SOD2: variants seen among roughly 807,000 people sequenced by gnomAD.
SOD2 encodes the protein superoxide dismutase [Mn], mitochondrial.
Under a neutral mutation model 27.0 loss-of-function variants are expected in SOD2, and 11 were observed. That is an observed-to-expected ratio of 0.41 (90% CI 0.26 to 0.67). The LOEUF (loss-of-function observed/expected upper bound fraction) is 0.67. SOD2 is among the 30% of genes least tolerant of loss of function. SOD2 has a pLI of 0.34. For synonymous variants in SOD2, 105 were observed against 103.0 expected (o/e 1.02, Z -0.12); for missense variants, 250 against 274.5 (o/e 0.91, Z 0.63).
At chr6:159,714,235 G>A (rs1390050753) in intron 1 of SOD2, among the ~76,000 whole-genome samples, 2 of 152,194 alleles carry the variant, frequency 1.3e-5, no homozygotes, top group South Asian at 2.1e-4. Flanking sequence ...CTCCCTAGAC[G>A]TCGGGTTGTG....
intron 3 of SOD2, among the ~76,000 whole-genome samples, chr6:159,685,236 T>C (rs1301746045): frequency 4.2e-4 from 61 of 144,688 alleles, no homozygotes; most frequent in African/African-American, 1.5e-3. Context: ...TTTTTTTTTT[T>C]TTTTTTTTCA....
intron 1 of SOD2, chr6:159,743,595 A>G: frequency 2.8e-6 from 4 of 1,421,900 alleles, no homozygotes; most frequent in East Asian, 2.4e-5. Flanking sequence ...CCTAGTTCTT[A>G]TTGTTCTTGA....
intron 1 of SOD2, chr6:159,755,264 T>G: frequency 6.2e-7 from 1 of 1,614,038 alleles, no homozygotes; most frequent in Non-Finnish European, 8.5e-7. Flanking sequence ...TAATGGTAGC[T>G]CCTCCCGCCA....
At chr6:159,734,326 G>C (rs536699915) in intron 1 of SOD2, among the ~76,000 whole-genome samples, 1 of 148,604 alleles carries the variant, frequency 6.7e-6, no homozygotes, top group Non-Finnish European at 1.5e-5. Flanking sequence ...AGTAGCTTTC[G>C]AGATGATGCC....
intron 1 of SOD2, chr6:159,755,398 T>G: frequency 6.2e-7 from 1 of 1,614,140 alleles, no homozygotes. Flanking sequence ...GAGGAGGTAG[T>G]GGTTACGTAA....
rs1313733396 is a variant in SOD2 at position 159,674,450 on chromosome 6, A to G, written c.*8043T>C. The G allele has an allele frequency of 6.6e-6, 1 of 152,220 alleles. No homozygotes were observed. The highest frequency in any genetic ancestry group is 6.5e-5 in the Admixed American group (1 of 15,288). The allele number at this position is 152,220 out of a possible 1,614,324, so 9.4% of individuals were successfully genotyped here. The stretch of plus-strand genomic sequence containing the variant: ...TGCAAGGCTGGTTCAACATACACAA[A>G]TCAATAAAAGTAATCCAGCATATAA... On this transcript the variant is annotated 3_prime_UTR_variant, in exon 5 of 5. Coordinates refer to ENST00000538183, the MANE Select transcript of SOD2 (RefSeq NM_000636.4).
At chr6:159,750,797 T>C (rs1307281082) in intron 1 of SOD2, among the ~76,000 whole-genome samples, 1 of 152,224 alleles carries the variant, frequency 6.6e-6, no homozygotes, top group East Asian at 1.9e-4. Context: ...GTATATCAGG[T>C]ACTATAAATA....
intron 1 of SOD2, chr6:159,755,667 C>A (rs1779975856): frequency 1.1e-5 from 15 of 1,424,718 alleles, no homozygotes; most frequent in African/African-American, 1.4e-5. Flanking sequence ...GGATACTGTC[C>A]AGAAAATTAA....
At chr6:159,751,103 T>C (rs889134201) in intron 1 of SOD2, among the ~76,000 whole-genome samples, 3 of 152,240 alleles carry the variant, frequency 2.0e-5, no homozygotes, top group African/African-American at 7.2e-5. Flanking sequence ...GTTGATTTTT[T>C]TGTTTGTAAT....
chr6:159,752,367 T>A (rs183098147), intron 1 of SOD2, among the ~76,000 whole-genome samples: 29 of 152,342 alleles, frequency 1.9e-4, no homozygotes, highest in African/African-American at 6.5e-4. Flanking sequence ...TTTTCTTTTT[T>A]CATAAATAAT....
chr6:159,683,195 A>T (rs1032529618), intron 4 of SOD2, among the ~76,000 whole-genome samples: 1 of 152,204 alleles, frequency 6.6e-6, no homozygotes, highest in African/African-American at 2.4e-5. Context: ...ATTTAAAAAA[A>T]CTTTTGGTCT....
At chr6:159,756,816 C>T (rs1041226439) in intron 1 of SOD2, among the ~76,000 whole-genome samples, 3 of 152,120 alleles carry the variant, frequency 2.0e-5, no homozygotes, top group African/African-American at 7.2e-5. Flanking sequence ...GTTGCACAGG[C>T]TGGCCTCAAA....
intron 1 of SOD2, among the ~76,000 whole-genome samples, chr6:159,759,379 A>G (rs1279852602): frequency 6.8e-6 from 1 of 146,456 alleles, no homozygotes; most frequent in Non-Finnish European, 1.5e-5. Flanking sequence ...TTTAAAAATT[A>G]TCTTCCAGCT....
chr6:159,743,473 A>G (rs1779384218), intron 1 of SOD2, among the ~76,000 whole-genome samples: 1 of 152,246 alleles, frequency 6.6e-6, no homozygotes, highest in Non-Finnish European at 1.5e-5. Flanking sequence ...GTTAGTAGTC[A>G]TGGAGCACTA....
upstream of SOD2, chr6:159,727,380 G>T (rs1013080548): frequency 1.2e-5 from 14 of 1,125,762 alleles, no homozygotes; most frequent in East Asian, 1.9e-4. Context: ...AGGCTGGCGG[G>T]AGGCGGGAGG....
intron 1 of SOD2, among the ~76,000 whole-genome samples, chr6:159,752,670 C>A (rs73022782): frequency 0.015 from 2,229 of 152,066 alleles, 20 homozygotes; most frequent in Non-Finnish European, 0.025. Flanking sequence ...AAAAAAAAAA[C>A]CTTAACTGCT....
chr6:159,708,220 G>A (rs1478943313), intron 1 of SOD2, among the ~76,000 whole-genome samples: 2 of 152,234 alleles, frequency 1.3e-5, no homozygotes, highest in Non-Finnish European at 2.9e-5. Context: ...AGACAGGGAT[G>A]CCCTCTCTCA....
intron 1 of SOD2, chr6:159,754,948 T>A (rs999033983): frequency 1.4e-6 from 2 of 1,402,494 alleles, no homozygotes; most frequent in Non-Finnish European, 1.9e-6. Flanking sequence ...ATTGACTCCC[T>A]TGCTTTGTGG....
chr6:159,743,079 G>T (rs554760101), intron 1 of SOD2, among the ~76,000 whole-genome samples: 5 of 152,188 alleles, frequency 3.3e-5, no homozygotes, highest in Admixed American at 6.5e-5. Context: ...ACAGGGTCTC[G>T]CACTGTTGCC....
Sources: allele counts gnomAD v4.1 joint callset (sites outside exome capture counted in the v4.1 genomes callset), GRCh38; gene constraint gnomAD v4.1.1; transcripts MANE v1.5; gene names NCBI Gene and HGNC (gene_info 2026-07-23, HGNC 2026-07-21).